The following TPRG1 variants were observed in gnomAD, a reference collection of about 807,000 sequenced individuals.
TPRG1 encodes tumor protein p63-regulated gene 1 protein.
Under a neutral mutation model 29.3 loss-of-function variants are expected in TPRG1, and 29 were observed. The ratio of observed to expected loss-of-function variants is 0.99; its 90% confidence interval spans 0.74 to 1.35. The LOEUF (loss-of-function observed/expected upper bound fraction) is 1.35, where lower values mean the gene tolerates loss of function less well. Ranked by LOEUF, TPRG1 falls within the 40% of genes most tolerant of loss-of-function variation. The probability of loss-of-function intolerance (pLI) is 0.00; values close to 1 mark genes in which losing one functional copy is unlikely to be tolerated. For synonymous variants in TPRG1, 130 were observed against 116.8 expected (o/e 1.11, Z -0.73); for missense variants, 327 against 335.0 (o/e 0.98, Z 0.19).
At chr3:189,002,102 A>AT (rs1400965649) in intron 2 of TPRG1, among the ~76,000 whole-genome samples, 1 of 152,202 alleles carries the variant, frequency 6.6e-6, no homozygotes, top group Admixed American at 6.5e-5. Flanking sequence ...TGGCTCCATA[A>AT]TACTCCTTAG....
At chr3:189,042,517 A>G (rs1203074281) in intron 4 of TPRG1, among the ~76,000 whole-genome samples, 1 of 152,164 alleles carries the variant, frequency 6.6e-6, no homozygotes, top group African/African-American at 2.4e-5. Flanking sequence ...TACTTTTTGA[A>G]TGAAGAGGAA....
At chr3:189,164,458 G>A (rs1727893846) in intron 5 of TPRG1, among the ~76,000 whole-genome samples, 1 of 152,052 alleles carries the variant, frequency 6.6e-6, no homozygotes, top group Non-Finnish European at 1.5e-5. Flanking sequence ...CACCAAGCCT[G>A]GCCCCTACTT....
chr3:189,257,910 T>G (rs1055763893), intron 4 of TPRG1, among the ~76,000 whole-genome samples: 1 of 152,248 alleles, frequency 6.6e-6, no homozygotes, highest in African/African-American at 2.4e-5. Flanking sequence ...TAGCCTTTTA[T>G]CAAGGTTCTT....
chr3:189,126,787 A>G (rs570702544), intron 1 of TPRG1, among the ~76,000 whole-genome samples: 2 of 152,318 alleles, frequency 1.3e-5, no homozygotes, highest in East Asian at 3.9e-4. Context: ...GGTGTTTGCT[A>G]TGTATTCTAT....
At chr3:189,262,440 C>T (rs544874319) in intron 4 of TPRG1, among the ~76,000 whole-genome samples, 1 of 152,118 alleles carries the variant, frequency 6.6e-6, no homozygotes, top group African/African-American at 2.4e-5. Flanking sequence ...AAACTATTCA[C>T]TCAAGTGTCA....
At chr3:189,170,565 A>G (rs1728699143), upstream of TPRG1, among the ~76,000 whole-genome samples, 2 of 152,208 alleles carry the variant, frequency 1.3e-5, no homozygotes, top group Admixed American at 1.3e-4. Flanking sequence ...TAATTCACTT[A>G]CAAATTTTAT....
At chr3:189,049,098 C>G (rs1255886090) in intron 4 of TPRG1, among the ~76,000 whole-genome samples, 2 of 152,174 alleles carry the variant, frequency 1.3e-5, no homozygotes, top group African/African-American at 4.8e-5. Flanking sequence ...AATTCTCTAG[C>G]TGAACTTTGT....
At chr3:189,228,684 C>G (rs1738178599) in intron 3 of TPRG1, among the ~76,000 whole-genome samples, 1 of 152,040 alleles carries the variant, frequency 6.6e-6, no homozygotes, top group African/African-American at 2.4e-5. Flanking sequence ...TTGTTCCCCC[C>G]TAAGATTTGG....
chr3:189,016,148 G>T (rs953341612), intron 3 of TPRG1, among the ~76,000 whole-genome samples: 18 of 152,112 alleles, frequency 1.2e-4, no homozygotes, highest in African/African-American at 4.3e-4. Context: ...AAGGCCTTGG[G>T]AACCCATCCC....
chr3:189,026,967 A>G (rs1357590670), intron 4 of TPRG1, among the ~76,000 whole-genome samples: 1 of 152,172 alleles, frequency 6.6e-6, no homozygotes, highest in African/African-American at 2.4e-5. Flanking sequence ...CTTTAGAAAA[A>G]TGTCTTTATT....
intron 4 of TPRG1, among the ~76,000 whole-genome samples, chr3:189,081,530 AAGAAT>A (rs972581717): frequency 6.6e-6 from 1 of 152,202 alleles, no homozygotes. Flanking sequence ...GCTTGAATGA[AAGAAT>A]AGAAGAAAAA....
At chr3:189,162,649 A>G (rs919415530) in intron 5 of TPRG1, among the ~76,000 whole-genome samples, 16 of 152,204 alleles carry the variant, frequency 1.1e-4, no homozygotes, top group African/African-American at 3.4e-4. Flanking sequence ...AGAGAAAGAC[A>G]GCATTTCATG....
chr3:189,296,320 T>C (rs1415279551), intron 4 of TPRG1, among the ~76,000 whole-genome samples: 2 of 152,220 alleles, frequency 1.3e-5, no homozygotes, highest in South Asian at 2.1e-4. Context: ...GAAGCAGGTA[T>C]GAAAAAGCTT....
intron 3 of TPRG1, among the ~76,000 whole-genome samples, chr3:189,145,359 T>TTAAAAAAAAAAAAAA (rs1725115238): frequency 9.3e-6 from 1 of 107,394 alleles, no homozygotes; most frequent in Non-Finnish European, 1.9e-5. Flanking sequence ...AGACTCCATC[T>TTAAAAAAAAAAAAAA]AAAAAAAAAA....
At chr3:189,313,859 G>A (rs558217255) in intron 5 of TPRG1, among the ~76,000 whole-genome samples, 32 of 152,234 alleles carry the variant, frequency 2.1e-4, no homozygotes, top group African/African-American at 7.5e-4. Context: ...AAGGAGTAGA[G>A]GTACATGAGA....
intron 4 of TPRG1, among the ~76,000 whole-genome samples, chr3:189,241,555 C>T (rs1196902179): frequency 6.6e-6 from 1 of 151,898 alleles, no homozygotes; most frequent in African/African-American, 2.4e-5. Flanking sequence ...TGTCATATCT[C>T]TTTTAACATT....
intron 5 of TPRG1, among the ~76,000 whole-genome samples, chr3:189,314,584 C>A (rs1315790158): frequency 1.3e-5 from 2 of 152,106 alleles, no homozygotes; most frequent in African/African-American, 4.8e-5. Flanking sequence ...CCTGCTTCAC[C>A]AAACTTTTCC....
chr3:189,297,141 C>A (rs780152628), intron 4 of TPRG1, among the ~76,000 whole-genome samples: 1 of 152,038 alleles, frequency 6.6e-6, no homozygotes. Context: ...CCACCAAGCC[C>A]GGCTGATTTT....
chr3:189,000,853 A>G (rs937710572), exon 2 of TPRG1: 5 of 152,062 alleles, frequency 3.3e-5, no homozygotes, highest in African/African-American at 1.2e-4. Flanking sequence ...GGCTCAAGCA[A>G]TCCTCCTGCT....
Sources: allele counts gnomAD v4.1 joint callset (sites outside exome capture counted in the v4.1 genomes callset), GRCh38; gene constraint gnomAD v4.1.1; transcripts MANE v1.5; gene names NCBI Gene and HGNC (gene_info 2026-07-23, HGNC 2026-07-21).